Variants in YEATS2 observed in about 807,000 individuals in gnomAD.
YEATS2 encodes the protein YEATS domain containing 2.
A neutral mutation model predicts 163.2 loss-of-function variants in YEATS2; 77 were observed. That is an observed-to-expected ratio of 0.47 (90% confidence interval 0.39 to 0.57). YEATS2 has a LOEUF of 0.57. YEATS2 is among the 20% of genes least tolerant of loss of function. The pLI, the probability that YEATS2 is intolerant of heterozygous loss-of-function variation, is 0.00. For missense variants in YEATS2, 1,549 were observed against 1,729.8 expected, an observed-to-expected ratio of 0.90 and a Z score of 1.85; for synonymous variants, 631 against 645.1, an observed-to-expected ratio of 0.98 and a Z score of 0.33.
Position 183,772,564 on chromosome 3 carries a change from G to A in YEATS2, c.2206+1G>A. 6.2e-7 allele frequency: 1 copy of A among 1,613,454 alleles called. No homozygotes were observed. The highest frequency in any genetic ancestry group is 8.5e-7 in the Non-Finnish European group (1 of 1,179,802). On this transcript the variant is annotated splice_donor_variant, in intron 16 of 30. Coordinates refer to ENST00000305135, the MANE Select transcript of YEATS2 (RefSeq NM_018023.5). LOFTEE classifies it high-confidence loss of function. The stretch of plus-strand genomic sequence containing the variant: ...CAGAAGAGTGGATCCCAGGGTTCAG[G>A]TAAAACGGATCATCACTGGGAGCCC...
chr3:183,773,608 A>G, intron 16 of YEATS2, 25 bp from the exon 17 acceptor site: 1 of 1,564,638 alleles, frequency 6.4e-7, no homozygotes, highest in Non-Finnish European at 8.6e-7. Flanking sequence ...TTTATCTTAC[A>G]ATTTTTTCTC....
chr3:183,709,866 G>A (rs575069199), intron 1 of YEATS2, among the ~76,000 whole-genome samples: 1 of 151,678 alleles, frequency 6.6e-6, no homozygotes, highest in South Asian at 2.1e-4. Flanking sequence ...TTTTTTAGTA[G>A]AGACGGGGTT....
chr3:183,760,665 T>A (rs1290579217), intron 13 of YEATS2, among the ~76,000 whole-genome samples: 1 of 152,210 alleles, frequency 6.6e-6, no homozygotes, highest in African/African-American at 2.4e-5. Context: ...TGTCTTTGCC[T>A]GTGCCAAATT....
At chr3:183,723,845 G>A (rs941055405) in intron 5 of YEATS2, among the ~76,000 whole-genome samples, 5 of 152,266 alleles carry the variant, frequency 3.3e-5, no homozygotes, top group Admixed American at 2.0e-4. Flanking sequence ...CCAGGAGGCG[G>A]AGATTGCAAT....
chr3:183,777,505 AT>A, intron 18 of YEATS2, 36 bp from the exon 19 acceptor site: 1 of 1,603,510 alleles, frequency 6.2e-7, no homozygotes. Context: ...AATTTAACAA[AT>A]TACCGATTAG....
chr3:183,764,474 C>T (rs1314306699), intron 15 of YEATS2, among the ~76,000 whole-genome samples: 4 of 150,886 alleles, frequency 2.7e-5, no homozygotes, highest in Non-Finnish European at 4.4e-5. Flanking sequence ...AGCCCAAAAT[C>T]GAAAAAGATT....
intron 6 of YEATS2, among the ~76,000 whole-genome samples, chr3:183,728,125 T>C (rs1056899953): frequency 7.2e-5 from 11 of 152,220 alleles, no homozygotes; most frequent in African/African-American, 2.4e-4. Context: ...AGTACAGTGA[T>C]GTGATTGTAG....
In YEATS2 at chr3:183,721,965, A is replaced by G. The variant is rs1361832743; in HGVS notation, c.366A>G (p.Ser122=). Residue 122 remains serine (S), a synonymous_variant, in exon 5 of 31, where the codon TCA becomes TCG. Coordinates refer to ENST00000305135, the MANE Select transcript of YEATS2 (RefSeq NM_018023.5). ...IKKFLESPSR[S]SSPANQRAET... Reference sequence around the variant, plus strand: ...AATTTTTGGAATCACCATCTAGGTCATCATCTCCTGCCAATCAGAGAGCAG... The same window carrying G: ...AATTTTTGGAATCACCATCTAGGTCGTCATCTCCTGCCAATCAGAGAGCAG... 1.9e-6 allele frequency: 3 copies of G among 1,614,076 alleles called. No homozygotes were observed. The highest frequency in any genetic ancestry group is 1.3e-5 in the African/African-American group (1 of 74,938).
intron 9 of YEATS2, among the ~76,000 whole-genome samples, chr3:183,748,305 A>G (rs1458841034): frequency 6.5e-5 from 9 of 137,774 alleles, no homozygotes; most frequent in Non-Finnish European, 1.2e-4. Context: ...CCCAGGCTGG[A>G]GTGCAGTGGA....
intron 17 of YEATS2, among the ~76,000 whole-genome samples, chr3:183,775,588 C>G (rs746810674): frequency 6.6e-6 from 1 of 152,082 alleles, no homozygotes; most frequent in South Asian, 2.1e-4. Flanking sequence ...AGTGAGACTC[C>G]GTCTCAAAAA....
rs954810898 is a variant in YEATS2, at chr3:183,781,018, T to G, written c.2736+3318T>G. ...CAATTAAAATACTCTTCTAAATTCT[T>G]GGGTTAAAAAAATCCAAATAAATTA... On this transcript the variant is annotated intron_variant, in intron 19 of 30. Transcript: ENST00000305135. Among the ~76,000 whole-genome samples, 6 of 152,274 alleles carry G rather than the reference T, an allele frequency of 3.9e-5. No individual in the cohort carries two copies. The South Asian group carries it at 1.2e-3, about 32-fold the overall frequency.
At chr3:183,698,659 A>G (rs1469618691) in intron 1 of YEATS2, among the ~76,000 whole-genome samples, 3 of 152,212 alleles carry the variant, frequency 2.0e-5, no homozygotes, top group Non-Finnish European at 4.4e-5. Flanking sequence ...TACAGGCCTG[A>G]CACATCATTT....
intron 2 of YEATS2, among the ~76,000 whole-genome samples, chr3:183,715,576 AT>A: frequency 6.6e-6 from 1 of 152,250 alleles, no homozygotes; most frequent in Non-Finnish European, 1.5e-5. Flanking sequence ...TGAGATGGTC[AT>A]AGATGGTACA....
In YEATS2 at chr3:183,810,972, C is replaced by T; in HGVS notation, c.*389C>T. The stretch of plus-strand genomic sequence containing the variant: ...TGAGTGGCAGGCTAGAGATTTCACC[C>T]ATTTTGTGGGCTGGAGTTACCAGTA... On this transcript the variant is annotated 3_prime_UTR_variant, in exon 31 of 31. Coordinates refer to ENST00000305135, the MANE Select transcript of YEATS2 (RefSeq NM_018023.5). The T allele has an allele frequency of 4.8e-6, 1 of 206,846 alleles. No homozygotes were observed. Among genetic ancestry groups the T allele is most frequent in the Non-Finnish European group, 9.9e-6 (1 of 101,412 alleles). 12.8% of individuals were successfully genotyped at this position (206,846 alleles called of 1,614,324 possible). A position where few individuals can be genotyped will look rare whatever the true frequency, so the allele number is the denominator to read the frequency against.
intron 15 of YEATS2, among the ~76,000 whole-genome samples, chr3:183,771,632 C>T (rs1257272625): frequency 6.9e-6 from 1 of 144,754 alleles, no homozygotes; most frequent in African/African-American, 2.6e-5. Context: ...CTCAGTGCAG[C>T]CTTGAACTCC....
rs752183176 is a variant in YEATS2, at chr3:183,772,533, G to C, written c.2176G>C (p.Gly726Arg). 1 of 1,613,944 alleles carries C rather than the reference G, an allele frequency of 6.2e-7. No individual in the cohort carries two copies. Among genetic ancestry groups the C allele is most frequent in the Admixed American group, 1.7e-5 (1 of 59,994 alleles). Residue 726 changes from glycine (G) to arginine (R), a missense_variant, in exon 16 of 31, where the codon GGT (glycine) becomes CGT (arginine). By Grantham distance (125) the Gly-to-Arg change is moderately radical. Coordinates refer to ENST00000305135, the MANE Select transcript of YEATS2 (RefSeq NM_018023.5). ...TLTKAQVTAA[G>R]PQKSGSQGSV... is the part of the protein sequence containing the mutation. ...AACCAAGGCCCAGGTTACTGCCGCT[G>C]GTCCTCAGAAGAGTGGATCCCAGGG...
intron 8 of YEATS2, among the ~76,000 whole-genome samples, chr3:183,740,903 A>T (rs931932254): frequency 2.0e-5 from 3 of 152,106 alleles, no homozygotes; most frequent in Admixed American, 2.0e-4. Flanking sequence ...AGAACATAGG[A>T]TTGACTTCTT....
intron 1 of YEATS2, among the ~76,000 whole-genome samples, chr3:183,700,228 G>T (rs1713915749): frequency 6.6e-6 from 1 of 152,114 alleles, no homozygotes; most frequent in Non-Finnish European, 1.5e-5. Context: ...AATGCTTCAT[G>T]TTCATTCAGT....
intron 22 of YEATS2, among the ~76,000 whole-genome samples, chr3:183,798,603 C>G (rs375818810): frequency 1.3e-5 from 2 of 152,310 alleles, no homozygotes; most frequent in East Asian, 3.9e-4. Context: ...ATCCACCCGC[C>G]TCAGTCCCCC....
Sources: allele counts gnomAD v4.1 joint callset (sites outside exome capture counted in the v4.1 genomes callset), GRCh38; gene constraint gnomAD v4.1.1; transcripts MANE v1.5; gene names NCBI Gene and HGNC (gene_info 2026-07-23, HGNC 2026-07-21).